The following FMO5 variants were observed in gnomAD, a reference collection of about 807,000 sequenced individuals.
FMO5 encodes the protein flavin-containing monooxygenase 5.
A neutral mutation model predicts 43.6 loss-of-function variants in FMO5; 51 were observed. That is an observed-to-expected ratio of 1.17 (90% CI 0.93 to 1.48). FMO5 has a LOEUF of 1.48. Among genes scored for constraint, FMO5 ranks in the 40% most tolerant of loss-of-function variants. FMO5 has a pLI of 0.00. For missense variants in FMO5, 644 were observed against 643.0 expected, an observed-to-expected ratio of 1.00 and a Z score of -0.02; for synonymous variants, 187 against 216.5, an observed-to-expected ratio of 0.86 and a Z score of 1.20.
rs1239600627 is a variant in FMO5, at chr1:147,213,294, G to C, written c.487+14C>G. On this transcript the variant is annotated intron_variant, in intron 4 of 8. Transcript: ENST00000254090. ...GCATGGGTCAAGGGTCTTCCTTCCT[G>C]GTAAGCTGCTCACCAGGGAAGCTTT... 4 of 1,593,976 alleles carry C rather than the reference G, an allele frequency of 2.5e-6. No homozygotes were observed. Among genetic ancestry groups the C allele is most frequent in the Middle Eastern group, 1.7e-4 (1 of 5,892 alleles).
chr1:147,219,840 CTT>C (rs71083821), intron 2 of FMO5, among the ~76,000 whole-genome samples: 6 of 132,854 alleles, frequency 4.5e-5, no homozygotes, highest in East Asian at 2.2e-4. Context: ...ATGTTAATTG[CTT>C]TTTTTTTTTT....
rs186711816 is a variant in FMO5, at chr1:147,201,750, A to T, written c.831-246T>A. Among the ~76,000 whole-genome samples, 405 of 152,244 alleles carry T rather than the reference A, an allele frequency of 2.7e-3. 2 individuals are homozygous for T. The highest frequency in any genetic ancestry group is 3.1e-3 in the Non-Finnish European group (214 of 68,012). Reference sequence around the variant, plus strand: ...AGTGAAGGAAGAGTGTTGTTTGAGGAGTGCATATATGATTTCTCAAGTAAC... The same window carrying T: ...AGTGAAGGAAGAGTGTTGTTTGAGGTGTGCATATATGATTTCTCAAGTAAC... On this transcript the variant is annotated intron_variant, in intron 6 of 8. Coordinates refer to ENST00000254090, the MANE Select transcript of FMO5 (RefSeq NM_001461.4).
intron 7 of FMO5, among the ~76,000 whole-genome samples, chr1:147,193,197 G>A (rs1657245578): frequency 1.3e-5 from 2 of 152,078 alleles, no homozygotes; most frequent in Non-Finnish European, 2.9e-5. Context: ...GCCTGTTATT[G>A]GTCTATTCAG....
Position 147,212,426 on chromosome 1 carries a change from A to T in FMO5, c.597T>A (p.Asp199Glu). 6.2e-7 allele frequency: 1 copy of T among 1,614,102 alleles called. No individual in the cohort carries two copies. The highest frequency in any genetic ancestry group is 8.5e-7 in the Non-Finnish European group (1 of 1,179,974). The change falls in exon 5 of 9, where the codon GAT (aspartate) becomes GAA (glutamate). Residue 199 changes from aspartate to glutamate, a missense_variant. Coordinates refer to ENST00000254090, the MANE Select transcript of FMO5 (RefSeq NM_001461.4). ...IIIGIGNSGGDLAVEISQTAK... is the reference protein window; with the variant it reads ...IIIGIGNSGGELAVEISQTAK... ...CTGTTTGGCTAATCTCTACAGCCAG[A>T]TCCCCTCCAGAATTCCCAATGCCAA...
intron 6 of FMO5, chr1:147,204,864 T>G: frequency 6.3e-7 from 1 of 1,598,528 alleles, no homozygotes; most frequent in East Asian, 2.2e-5. Flanking sequence ...CTTCTAATTC[T>G]GAAAAGTGTT....
At chr1:147,218,400 T>G (rs2102028170) in intron 2 of FMO5, among the ~76,000 whole-genome samples, 1 of 138,028 alleles carries the variant, frequency 7.2e-6, no homozygotes, top group Admixed American at 7.3e-5. Context: ...TATGCCTGGC[T>G]AATTTTTTTT....
upstream of FMO5, among the ~76,000 whole-genome samples, chr1:147,226,262 C>T (rs184536364): frequency 1.2e-3 from 188 of 150,824 alleles, 1 homozygote; most frequent in Middle Eastern, 3.4e-3. Flanking sequence ...CTCTCTCCTC[C>T]CCTCCTCACA....
chr1:147,224,031 A>T (rs797029475), intron 2 of FMO5: 5 of 419,078 alleles, frequency 1.2e-5, no homozygotes, highest in African/African-American at 1.0e-4. Flanking sequence ...ATTGCACACG[A>T]TGCGGATCCC....
chr1:147,194,572 CT>C (rs1285674856), intron 7 of FMO5, among the ~76,000 whole-genome samples: 5 of 152,098 alleles, frequency 3.3e-5, no homozygotes, highest in Admixed American at 6.5e-5. Context: ...GGTTATTTTG[CT>C]TGTTAGTTGA....
chr1:147,209,186 A>G (rs28381196), intron 5 of FMO5, 135 bp from the exon 6 acceptor site: 135,427 of 594,956 alleles, frequency 0.23, 17,486 homozygotes, highest in Non-Finnish European at 0.26. Flanking sequence ...TTGGGAGGCC[A>G]AGGCGGGCGG....
At chr1:147,222,454 G>A (rs1553926486) in intron 2 of FMO5, among the ~76,000 whole-genome samples, 1 of 152,134 alleles carries the variant, frequency 6.6e-6, no homozygotes, top group Non-Finnish European at 1.5e-5. Flanking sequence ...CAGAAGAAAG[G>A]AGAAAAATTT....
Position 147,212,361 on chromosome 1 carries a change from A to C in FMO5, c.630+32T>G, listed in dbSNP as rs150652698. 676 of 1,611,578 alleles carry C rather than the reference A, an allele frequency of 4.2e-4. 12 individuals are homozygous for C. In the East Asian group the frequency reaches 0.014, roughly 34 times the overall value. Reference sequence around the variant, plus strand: ...CTTGGAGAAACTGAAGCTAGAGTTAAGCAACGTAAATAATAATTGAGTGAT... The same window carrying C: ...CTTGGAGAAACTGAAGCTAGAGTTACGCAACGTAAATAATAATTGAGTGAT... On this transcript the variant is annotated intron_variant, in intron 5 of 8. Transcript: ENST00000254090.
At chr1:147,207,756 G>A (rs1660351193) in intron 6 of FMO5, among the ~76,000 whole-genome samples, 2 of 152,248 alleles carry the variant, frequency 1.3e-5, no homozygotes, top group Admixed American at 6.5e-5. Flanking sequence ...CAGTTAATCT[G>A]TTGTTTAATA....
intron 2 of FMO5, chr1:147,223,564 A>T (rs1173642199): frequency 6.5e-6 from 1 of 154,114 alleles, no homozygotes; most frequent in Non-Finnish European, 1.4e-5. Context: ...GCCAATAGGA[A>T]AGAAGGCTAA....
chr1:147,212,416 C>G lies in FMO5; in HGVS notation c.607G>C (p.Glu203Gln). ...ACCTGCTTGGCTGTTTGGCTAATCT[C>G]TACAGCCAGATCCCCTCCAGAATTC... ...IGNSGGDLAVEISQTAKQVFL... is the reference protein window; with the variant it reads ...IGNSGGDLAVQISQTAKQVFL... The change falls in exon 5 of 9, where the codon GAG (glutamate) becomes CAG (glutamine). Residue 203 changes from glutamate to glutamine, a missense_variant. Coordinates refer to ENST00000254090, the MANE Select transcript of FMO5 (RefSeq NM_001461.4). 7 of 1,614,078 alleles carry G rather than the reference C, an allele frequency of 4.3e-6. No individual in the cohort carries two copies. Among genetic ancestry groups the G allele is most frequent in the Non-Finnish European group, 5.9e-6 (7 of 1,179,936 alleles).
chr1:147,193,564 G>T (rs1236605873), intron 7 of FMO5, among the ~76,000 whole-genome samples: 1 of 151,992 alleles, frequency 6.6e-6, no homozygotes, highest in African/African-American at 2.4e-5. Context: ...GAATGTGTTT[G>T]CTCTTGCTTT....
At chr1:147,217,428 A>G (rs1559674724) in intron 2 of FMO5, among the ~76,000 whole-genome samples, 1 of 152,114 alleles carries the variant, frequency 6.6e-6, no homozygotes, top group African/African-American at 2.4e-5. Context: ...ACCTTAATCA[A>G]TTTGGATCTC....
chr1:147,191,474 A>C (rs1409771700), intron 7 of FMO5, among the ~76,000 whole-genome samples: 1 of 152,078 alleles, frequency 6.6e-6, no homozygotes, highest in Non-Finnish European at 1.5e-5. Flanking sequence ...TGGCTGCATA[A>C]ATGTCTTCTT....
chr1:147,202,410 C>G (rs1243085027), intron 6 of FMO5, among the ~76,000 whole-genome samples: 1 of 149,756 alleles, frequency 6.7e-6, no homozygotes, highest in Non-Finnish European at 1.5e-5. Context: ...ACCTCCACCT[C>G]CCAGGTTCAA....
Sources: gnomAD v4.1 joint callset for allele counts (sites outside exome capture counted in the v4.1 genomes callset) on GRCh38, gnomAD v4.1.1 for gene constraint, MANE v1.5 for transcripts, NCBI Gene and HGNC (gene_info 2026-07-23, HGNC 2026-07-21) for gene names.